Variants in TWIST2 observed in about 807,000 individuals in gnomAD.
The protein encoded by TWIST2 is twist family bHLH transcription factor 2, also known as twist-related protein 2.
In TWIST2, 1 loss-of-function variant was observed where a neutral mutation model predicts 11.6. That is an observed-to-expected ratio of 0.09 (90% CI 0.03 to 0.41). TWIST2 has a LOEUF of 0.41. Ranked by LOEUF, TWIST2 falls within the 10% of genes least tolerant of loss-of-function variation. TWIST2 has a pLI of 0.98. For synonymous variants in TWIST2, 87 were observed against 96.6 expected (o/e 0.90, Z 0.58); for missense variants, 168 against 226.4 (o/e 0.74, Z 1.66).
At chr2:238,881,184 T>C (rs1350475585) in intron 1 of TWIST2, among the ~76,000 whole-genome samples, 1 of 121,256 alleles carries the variant, frequency 8.2e-6, no homozygotes. Context: ...TTAGTGTTAG[T>C]ATTTATTAGT....
At chr2:238,850,379 A>T (rs1233648640) in intron 1 of TWIST2, among the ~76,000 whole-genome samples, 1 of 152,238 alleles carries the variant, frequency 6.6e-6, no homozygotes, top group East Asian at 1.9e-4. Flanking sequence ...TCCATTAGTT[A>T]CTTCCATTTA....
Position 238,866,893 on chromosome 2 carries a change from C to T in TWIST2, c.*35+18160C>T, listed in dbSNP as rs957618766. ...CCGGGAGCACCTTCAGGACTGTGTC[C>T]TTGTCATGTATCCGGATGCCCGGCT... On this transcript the variant is annotated intron_variant, in intron 1 of 1. Transcript: ENST00000612363. The surrounding 1 kb of genome is among the most constrained non-coding windows in gnomAD (Gnocchi z 4.9). Among the ~76,000 whole-genome samples the T allele has an allele frequency of 6.2e-4, 95 of 152,296 alleles. No homozygotes were observed. Among genetic ancestry groups the T allele is most frequent in the African/African-American group, 2.2e-3 (91 of 41,562 alleles).
Position 238,848,520 on chromosome 2 carries a change from G to A in TWIST2, c.305G>A (p.Ser102Asn). ...IIPTLPSDKL[S>N]KIQTLKLAAR... ...CCCACGCTGCCCTCTGACAAGCTGA[G>A]CAAGATCCAGACGCTCAAGCTGGCC... is the stretch of plus-strand genomic sequence containing the variant. Residue 102 changes from serine (S) to asparagine (N), a missense_variant, in exon 1 of 2, where the codon AGC becomes AAC. By Grantham distance (46) the Ser-to-Asn change is conservative (BLOSUM62 1). Around this residue, in one of 3 missense-constraint regions of TWIST2, gnomAD observed 23 missense variants for 58.5 expected, o/e 0.39. Transcript: ENST00000612363. 1 of 1,592,700 alleles carries A rather than the reference G, an allele frequency of 6.3e-7. No homozygotes were observed.
chr2:238,851,973 T>C lies in TWIST2; in HGVS notation c.*35+3240T>C, dbSNP rs141683207. 5.1e-3 allele frequency among the ~76,000 whole-genome samples: 782 copies of C among 152,274 alleles called. 2 individuals carry two copies. Among genetic ancestry groups the C allele is most frequent in the Middle Eastern group, 0.014 (4 of 294 alleles). On this transcript the variant is annotated intron_variant, in intron 1 of 1. Transcript: ENST00000612363. ...GGAGAGGGAATTCCTCAGACTTCAG[T>C]GGCTCTTTGAGGCCATTTGAGATAG...
intron 1 of TWIST2, 100 bp from the exon 2 acceptor site, chr2:238,909,742 C>G (rs1168075855): frequency 2.0e-5 from 3 of 152,352 alleles, no homozygotes; most frequent in Non-Finnish European, 4.4e-5. Flanking sequence ...GGGCCTGCCC[C>G]GTGTCCCGTC....
chr2:238,865,339 G>A (rs1034934054), intron 1 of TWIST2, among the ~76,000 whole-genome samples: 17 of 152,174 alleles, frequency 1.1e-4, no homozygotes, highest in Admixed American at 2.6e-4. Context: ...TGCTTTAAAC[G>A]ACGGCGCACA....
At chr2:238,903,194 T>A (rs1435969051) in intron 1 of TWIST2, among the ~76,000 whole-genome samples, 1 of 139,670 alleles carries the variant, frequency 7.2e-6, no homozygotes, top group Non-Finnish European at 1.5e-5. Context: ...TGGGTGTGTG[T>A]GATGTGGGGT....
At chr2:238,894,820 A>T (rs1362186660) in intron 1 of TWIST2, among the ~76,000 whole-genome samples, 5 of 152,160 alleles carry the variant, frequency 3.3e-5, no homozygotes, top group Non-Finnish European at 7.4e-5. Context: ...ACCCTCAGAA[A>T]CATAACTGTC....
chr2:238,904,817 G>A (rs2106375070), intron 1 of TWIST2, among the ~76,000 whole-genome samples: 1 of 152,048 alleles, frequency 6.6e-6, no homozygotes, highest in East Asian at 1.9e-4. Flanking sequence ...GGAAGGAAGC[G>A]GAAGGAAGGG....
chr2:238,883,148 T>C (rs1363097478), intron 1 of TWIST2, among the ~76,000 whole-genome samples: 1 of 152,216 alleles, frequency 6.6e-6, no homozygotes, highest in African/African-American at 2.4e-5. Flanking sequence ...TTTTATTTAC[T>C]TGGGTAGTGC....
At chr2:238,871,255 G>A (rs1435020351) in intron 1 of TWIST2, among the ~76,000 whole-genome samples, 11 of 3,002 alleles carry the variant, frequency 3.7e-3, no homozygotes, top group African/African-American at 5.4e-3. Context: ...CACAAACCAC[G>A]CACCCCATGC....
At chr2:238,906,537 C>G (rs1265620492) in intron 1 of TWIST2, among the ~76,000 whole-genome samples, 11 of 152,142 alleles carry the variant, frequency 7.2e-5, no homozygotes, top group African/African-American at 2.7e-4. Flanking sequence ...GGCACACACA[C>G]GGGCCAACTT....
At chr2:238,873,763 T>C (rs974088603) in intron 1 of TWIST2, among the ~76,000 whole-genome samples, 8 of 152,054 alleles carry the variant, frequency 5.3e-5, no homozygotes, top group African/African-American at 1.7e-4. Flanking sequence ...GCTTGATGAG[T>C]GGGCCTGAGG....
intron 1 of TWIST2, among the ~76,000 whole-genome samples, chr2:238,852,142 A>G (rs371741604): frequency 1.3e-5 from 2 of 152,228 alleles, no homozygotes; most frequent in Non-Finnish European, 2.9e-5. Flanking sequence ...ATTTAAAAAA[A>G]GAAAAAAAAA....
At position 238,872,919 on chromosome 2, in the gene TWIST2, C is replaced by T. The variant is rs574374571; in HGVS notation, c.*35+24186C>T. On this transcript the variant is annotated intron_variant, in intron 1 of 1. Coordinates refer to ENST00000612363, the MANE Select transcript of TWIST2 (RefSeq NM_001271893.4). The stretch of plus-strand genomic sequence containing the variant: ...ACATTTACTGAGTCCTGGCTGTTTG[C>T]AGTCCTTCTGCTGGGTGCTGGAGAC... 2.0e-5 allele frequency among the ~76,000 whole-genome samples: 3 copies of T among 152,320 alleles called. No homozygotes were observed. The East Asian group carries it at 5.8e-4, about 29-fold the overall frequency.
At chr2:238,851,362 T>C (rs1692237699) in intron 1 of TWIST2, among the ~76,000 whole-genome samples, 1 of 152,210 alleles carries the variant, frequency 6.6e-6, no homozygotes, top group Non-Finnish European at 1.5e-5. Flanking sequence ...ATTCATCTAA[T>C]AGAAAAATCT....
chr2:238,872,202 G>A (rs1005722621), intron 1 of TWIST2, among the ~76,000 whole-genome samples: 5 of 152,118 alleles, frequency 3.3e-5, no homozygotes, highest in African/African-American at 1.2e-4. Context: ...CAAGAGTCCC[G>A]GGCCACTTTA....
rs1177557230 is a variant in TWIST2, at chr2:238,865,662, G to A, written c.*35+16929G>A. ...GAGTCTTTGAATTTGCAGGGCCAGG[G>A]CCAGCTGTGCCATCTGGTCTTTTGG... On this transcript the variant is annotated intron_variant, in intron 1 of 1. Transcript: ENST00000612363. Among the ~76,000 whole-genome samples, 4 of 151,484 alleles carry A rather than the reference G, an allele frequency of 2.6e-5. No homozygotes were observed. In the East Asian group the frequency reaches 5.8e-4, roughly 22 times the overall value.
intron 1 of TWIST2, among the ~76,000 whole-genome samples, chr2:238,850,517 C>T (rs1274951116): frequency 2.0e-5 from 3 of 152,216 alleles, no homozygotes; most frequent in Admixed American, 6.5e-5. Context: ...ATCGTTAAGA[C>T]TGCCCTCCAG....
Sources: allele counts gnomAD v4.1 joint callset (sites outside exome capture counted in the v4.1 genomes callset), GRCh38; gene constraint gnomAD v4.1.1; regional missense constraint gnomAD v4.1.1; non-coding constraint Gnocchi (gnomAD v3.1); transcripts MANE v1.5; gene names NCBI Gene and HGNC (gene_info 2026-07-23, HGNC 2026-07-21).